SGCZ: variants seen among roughly 807,000 people sequenced by gnomAD.
SGCZ encodes sarcoglycan zeta, also known as zeta-sarcoglycan.
Under a neutral mutation model 41.3 loss-of-function variants are expected in SGCZ, and 40 were observed. The observed-to-expected ratio is 0.97, with a 90% CI of 0.75 to 1.26. The LOEUF is 1.26. Among genes scored for constraint, SGCZ ranks in the 50% most tolerant of loss-of-function variants. SGCZ has a pLI of 0.00. For missense variants in SGCZ, 552 were observed against 369.8 expected (o/e 1.49, Z -4.04); for synonymous variants, 206 against 137.5 (o/e 1.50, Z -3.49).
chr8:15,056,190 G>C (rs1186024657), intron 1 of SGCZ, among the ~76,000 whole-genome samples: 1 of 152,162 alleles, frequency 6.6e-6, no homozygotes, highest in Admixed American at 6.5e-5. Flanking sequence ...CTAATCGCAA[G>C]GACTCTTTCC....
chr8:14,501,586 T>C (rs1012609400), intron 2 of SGCZ, among the ~76,000 whole-genome samples: 10 of 149,818 alleles, frequency 6.7e-5, no homozygotes, highest in African/African-American at 2.2e-4. Flanking sequence ...ATATTATAGA[T>C]GAAATTCATG....
chr8:14,575,246 A>G lies in SGCZ; in HGVS notation c.40-20320T>C, dbSNP rs149024486. ...CCAGATGCTTATATAGGGGTAAAGA[A>G]GTAAACCACTGGAATATAATAGAGA... On this transcript the variant is annotated intron_variant, in intron 1 of 7. Coordinates refer to ENST00000382080, the MANE Select transcript of SGCZ (RefSeq NM_139167.4). Among the ~76,000 whole-genome samples the G allele has an allele frequency of 6.0e-3, 908 of 152,326 alleles. 9 individuals are homozygous for G. Among genetic ancestry groups the G allele is most frequent in the African/African-American group, 0.021 (864 of 41,576 alleles).
intron 1 of SGCZ, among the ~76,000 whole-genome samples, chr8:15,000,752 T>A (rs1172303487): frequency 6.6e-6 from 1 of 152,154 alleles, no homozygotes; most frequent in Non-Finnish European, 1.5e-5. Flanking sequence ...GTGAGCCCTG[T>A]GTAAATCAGA....
chr8:14,916,893 AT>A (rs1007768373), intron 1 of SGCZ, among the ~76,000 whole-genome samples: 63 of 152,040 alleles, frequency 4.1e-4, no homozygotes, highest in African/African-American at 1.4e-3. Context: ...TTATTTATGA[AT>A]TTTTTTTGTA....
chr8:15,217,190 G>A (rs2117174882), intron 1 of SGCZ, among the ~76,000 whole-genome samples: 1 of 152,148 alleles, frequency 6.6e-6, no homozygotes, highest in Admixed American at 6.5e-5. Flanking sequence ...GGCCGAGGCG[G>A]GCGGATCACG....
chr8:14,665,738 G>T (rs1357646910), intron 1 of SGCZ, among the ~76,000 whole-genome samples: 3 of 152,056 alleles, frequency 2.0e-5, no homozygotes, highest in African/African-American at 7.2e-5. Flanking sequence ...AAAAGAAGAT[G>T]CATCTATATT....
At chr8:14,262,107 A>T (rs1237855236) in intron 3 of SGCZ, among the ~76,000 whole-genome samples, 1 of 152,186 alleles carries the variant, frequency 6.6e-6, no homozygotes, top group Non-Finnish European at 1.5e-5. Flanking sequence ...TCACATGAGT[A>T]TCAATTAGCA....
intron 2 of SGCZ, among the ~76,000 whole-genome samples, chr8:14,361,727 T>C (rs1307481101): frequency 6.6e-6 from 1 of 152,190 alleles, no homozygotes; most frequent in Non-Finnish European, 1.5e-5. Flanking sequence ...CCATTGCTGG[T>C]GAGGAGTTGT....
rs73188379 is a variant in SGCZ at position 14,448,036 on chromosome 8, A to T, written c.234+106696T>A. Reference sequence around the variant, plus strand: ...AATAGTCTGAAATCGGGGTGAAAAAATGATACAAATAACAAAAATGTGTAT... The same window carrying T: ...AATAGTCTGAAATCGGGGTGAAAAATTGATACAAATAACAAAAATGTGTAT... On this transcript the variant is annotated intron_variant, in intron 2 of 7. Transcript: ENST00000382080. Among the ~76,000 whole-genome samples the T allele has an allele frequency of 2.9e-4, 44 of 152,280 alleles. 1 individual carries two copies. Among genetic ancestry groups the T allele is most frequent in the African/African-American group, 1.0e-3 (42 of 41,576 alleles).
At chr8:14,833,530 T>C (rs1802599878) in intron 1 of SGCZ, among the ~76,000 whole-genome samples, 1 of 152,210 alleles carries the variant, frequency 6.6e-6, no homozygotes, top group Non-Finnish European at 1.5e-5. Flanking sequence ...TTGCCTAGGC[T>C]GATTGTTCTT....
intron 1 of SGCZ, among the ~76,000 whole-genome samples, chr8:14,968,963 A>T (rs1411252953): frequency 6.6e-6 from 1 of 152,150 alleles, no homozygotes; most frequent in Non-Finnish European, 1.5e-5. Context: ...TAAAGTGTAA[A>T]AAAGCATTTT....
At chr8:14,325,587 T>A (rs1056360764) in intron 2 of SGCZ, among the ~76,000 whole-genome samples, 1 of 147,524 alleles carries the variant, frequency 6.8e-6, no homozygotes, top group Non-Finnish European at 1.5e-5. Context: ...AGATCATATA[T>A]AATCACATAT....
intron 2 of SGCZ, among the ~76,000 whole-genome samples, chr8:14,371,377 T>A (rs10090668): frequency 1.3e-5 from 2 of 152,112 alleles, no homozygotes; most frequent in African/African-American, 4.8e-5. Context: ...TTCAGTTAAG[T>A]GATAACATTT....
intron 1 of SGCZ, among the ~76,000 whole-genome samples, chr8:14,963,714 G>T (rs778352043): frequency 6.6e-6 from 1 of 152,114 alleles, no homozygotes; most frequent in Non-Finnish European, 1.5e-5. Flanking sequence ...GAAAAGTCAT[G>T]GTTGTTAAAA....
At chr8:14,714,407 T>G (rs1245842128) in intron 1 of SGCZ, among the ~76,000 whole-genome samples, 1 of 152,224 alleles carries the variant, frequency 6.6e-6, no homozygotes, top group Non-Finnish European at 1.5e-5. Context: ...AGCCAATGAT[T>G]TAATAACATG....
chr8:14,915,542 C>T (rs1292374975), intron 1 of SGCZ, among the ~76,000 whole-genome samples: 3 of 152,130 alleles, frequency 2.0e-5, no homozygotes, highest in African/African-American at 7.2e-5. Flanking sequence ...CCCATCTTCC[C>T]TCCTCTTTGT....
chr8:14,376,340 TA>T (rs113089440), intron 2 of SGCZ, among the ~76,000 whole-genome samples: 9,635 of 151,222 alleles, frequency 0.064, 489 homozygotes, highest in African/African-American at 0.13. Context: ...AAAAATAAAA[TA>T]AAAAAAATAC....
chr8:15,100,470 A>C (rs1269870204), intron 1 of SGCZ, among the ~76,000 whole-genome samples: 1 of 152,226 alleles, frequency 6.6e-6, no homozygotes, highest in East Asian at 1.9e-4. Context: ...AAATAAATAG[A>C]GAGTTAATCC....
chr8:14,787,254 TG>T (rs1800798006), intron 1 of SGCZ, among the ~76,000 whole-genome samples: 1 of 152,024 alleles, frequency 6.6e-6, no homozygotes, highest in African/African-American at 2.4e-5. Context: ...CACAAGACAA[TG>T]AAATTCAGGT....
Sources: allele counts gnomAD v4.1 joint callset (sites outside exome capture counted in the v4.1 genomes callset), GRCh38; gene constraint gnomAD v4.1.1; transcripts MANE v1.5; gene names NCBI Gene and HGNC (gene_info 2026-07-23, HGNC 2026-07-21).